The following GPC5 variants were observed in gnomAD, a reference collection of about 807,000 sequenced individuals.
The protein encoded by GPC5 is glypican 5.
GPC5 carries 47 observed loss-of-function variants against 53.9 expected under a neutral mutation model. That is an observed-to-expected ratio of 0.87 (90% CI 0.69 to 1.11). GPC5 has a LOEUF of 1.11. GPC5 is among the 50% of genes most tolerant of loss of function. The probability of loss-of-function intolerance (pLI) is 0.00; values close to 1 mark genes in which losing one functional copy is unlikely to be tolerated. For synonymous variants in GPC5, 286 were observed against 263.3 expected, an observed-to-expected ratio of 1.09 and a Z score of -0.84; for missense variants, 748 against 713.1, an observed-to-expected ratio of 1.05 and a Z score of -0.56.
chr13:92,450,757 G>A (rs1878028580), intron 7 of GPC5, among the ~76,000 whole-genome samples: 1 of 152,178 alleles, frequency 6.6e-6, no homozygotes, highest in African/African-American at 2.4e-5. Flanking sequence ...GCATCGTGTG[G>A]AAGAGATTAA....
chr13:91,440,925 G>T (rs1465407756), intron 1 of GPC5, among the ~76,000 whole-genome samples: 1 of 152,150 alleles, frequency 6.6e-6, no homozygotes, highest in Non-Finnish European at 1.5e-5. Context: ...AGAAACTGGG[G>T]TTCTTGCTCT....
chr13:92,750,089 G>A (rs1180688419), intron 7 of GPC5, among the ~76,000 whole-genome samples: 4 of 152,090 alleles, frequency 2.6e-5, no homozygotes, highest in Non-Finnish European at 4.4e-5. Flanking sequence ...TCCTAATGGA[G>A]CATTTGAATA....
At chr13:92,021,689 T>C (rs1199994120) in intron 6 of GPC5, among the ~76,000 whole-genome samples, 1 of 152,204 alleles carries the variant, frequency 6.6e-6, no homozygotes, top group Non-Finnish European at 1.5e-5. Context: ...CAGTTATAAT[T>C]CTACTTCTGT....
At chr13:91,542,508 C>G (rs1314454511) in intron 2 of GPC5, among the ~76,000 whole-genome samples, 1 of 152,068 alleles carries the variant, frequency 6.6e-6, no homozygotes, top group Non-Finnish European at 1.5e-5. Context: ...ATGATTTTTT[C>G]CAGTGTTAGT....
At chr13:91,593,714 T>G (rs1281331979) in intron 2 of GPC5, among the ~76,000 whole-genome samples, 1 of 152,180 alleles carries the variant, frequency 6.6e-6, no homozygotes, top group Non-Finnish European at 1.5e-5. Flanking sequence ...TTCCATGATC[T>G]CAACAAAATG....
chr13:91,754,304 A>G (rs1475606411), intron 4 of GPC5, among the ~76,000 whole-genome samples: 1 of 152,132 alleles, frequency 6.6e-6, no homozygotes, highest in African/African-American at 2.4e-5. Flanking sequence ...GAGAATGGGA[A>G]GAGATTGGAG....
intron 2 of GPC5, among the ~76,000 whole-genome samples, chr13:91,494,028 C>G (rs1009128613): frequency 6.6e-6 from 1 of 151,704 alleles, no homozygotes; most frequent in Non-Finnish European, 1.5e-5. Context: ...CACCCACCAC[C>G]ACACCCGGCT....
intron 3 of GPC5, chr13:91,724,933 A>C (rs1308830834): frequency 1.3e-5 from 2 of 152,228 alleles, no homozygotes; most frequent in African/African-American, 4.8e-5. Flanking sequence ...TAAACAATTG[A>C]AGTTATTCTT....
chr13:92,147,983 T>C (rs1276058519), intron 7 of GPC5, among the ~76,000 whole-genome samples: 1 of 152,100 alleles, frequency 6.6e-6, no homozygotes, highest in Non-Finnish European at 1.5e-5. Context: ...TTCAAAATAT[T>C]GTGATCTAAA....
chr13:92,506,735 AT>A (rs1171486786), intron 7 of GPC5, among the ~76,000 whole-genome samples: 1 of 152,156 alleles, frequency 6.6e-6, no homozygotes, highest in Non-Finnish European at 1.5e-5. Context: ...CGGGTGATTC[AT>A]TTGGAATCTT....
At chr13:92,157,613 A>G (rs899728227) in intron 7 of GPC5, among the ~76,000 whole-genome samples, 6 of 152,226 alleles carry the variant, frequency 3.9e-5, no homozygotes, top group African/African-American at 1.4e-4. Flanking sequence ...AAGTAAGTGC[A>G]TTAAGAAAAA....
intron 7 of GPC5, among the ~76,000 whole-genome samples, chr13:92,853,282 T>C (rs1389241727): frequency 6.6e-6 from 1 of 152,126 alleles, no homozygotes; most frequent in Non-Finnish European, 1.5e-5. Context: ...CAATGAGGTA[T>C]TTTCAGAGAG....
At chr13:92,541,970 T>G (rs1310949028) in intron 7 of GPC5, among the ~76,000 whole-genome samples, 1 of 151,978 alleles carries the variant, frequency 6.6e-6, no homozygotes, top group Non-Finnish European at 1.5e-5. Flanking sequence ...TCTCTTCCAT[T>G]GATTTATTTC....
In GPC5 at chr13:92,866,297, T is replaced by A; in HGVS notation, c.1577T>A (p.Met526Lys). The change falls in exon 8 of 8, where the codon ATG becomes AAG. Residue 526 changes from methionine (M) to lysine (K), a missense_variant. Met to Lys is a moderately conservative substitution (Grantham distance 95). Transcript: ENST00000377067. ...LKITDWMPDD[M>K]NFSDVKQIHQ... Reference sequence around the variant, plus strand: ...GCCTCTACAGGGATGCCAGATGATATGAACTTCAGTGATGTAAAGCAAATC... The same window carrying A: ...GCCTCTACAGGGATGCCAGATGATAAGAACTTCAGTGATGTAAAGCAAATC... The A allele has an allele frequency of 6.2e-7, 1 of 1,610,496 alleles. No homozygotes were observed. The highest frequency in any genetic ancestry group is 8.5e-7 in the Non-Finnish European group (1 of 1,177,790).
chr13:92,191,884 T>C (rs1811966787), intron 7 of GPC5, among the ~76,000 whole-genome samples: 1 of 152,220 alleles, frequency 6.6e-6, no homozygotes, highest in Non-Finnish European at 1.5e-5. Flanking sequence ...AGGATATTTT[T>C]AATTTACAGT....
intron 7 of GPC5, among the ~76,000 whole-genome samples, chr13:92,561,602 A>T (rs1421549704): frequency 2.0e-5 from 3 of 152,070 alleles, no homozygotes; most frequent in Non-Finnish European, 4.4e-5. Context: ...GGTCATAAAT[A>T]GAGAAATTTC....
chr13:92,244,005 G>C (rs1436217096), intron 7 of GPC5, among the ~76,000 whole-genome samples: 1 of 152,150 alleles, frequency 6.6e-6, no homozygotes, highest in Non-Finnish European at 1.5e-5. Context: ...AAAAGGCAAA[G>C]TTAACTGTGT....
At chr13:91,940,169 T>C (rs1199994910) in intron 6 of GPC5, among the ~76,000 whole-genome samples, 1 of 152,096 alleles carries the variant, frequency 6.6e-6, no homozygotes, top group African/African-American at 2.4e-5. Context: ...TAGTAGTCCA[T>C]AGTGTCTATT....
At chr13:91,634,713 C>T (rs995615908) in intron 2 of GPC5, among the ~76,000 whole-genome samples, 2 of 151,544 alleles carry the variant, frequency 1.3e-5, no homozygotes, top group African/African-American at 4.8e-5. Context: ...TTTTATATAC[C>T]AGTATTACCA....
Sources: gnomAD v4.1 joint callset for allele counts (sites outside exome capture counted in the v4.1 genomes callset) on GRCh38, gnomAD v4.1.1 for gene constraint, MANE v1.5 for transcripts, NCBI Gene and HGNC (gene_info 2026-07-23, HGNC 2026-07-21) for gene names.